Variants in SMCHD1 observed in about 807,000 individuals in gnomAD.
The protein encoded by SMCHD1 is structural maintenance of chromosomes flexible hinge domain-containing protein 1.
Under a neutral mutation model 254.7 loss-of-function variants are expected in SMCHD1, and 78 were observed. The ratio of observed to expected loss-of-function variants is 0.31; its 90% CI spans 0.26 to 0.37. The LOEUF (loss-of-function observed/expected upper bound fraction) is 0.37, where lower values mean the gene tolerates loss of function less well. SMCHD1 is among the 10% of genes least tolerant of loss of function. SMCHD1 has a pLI of 1.00. For synonymous variants in SMCHD1, 766 were observed against 794.9 expected, an observed-to-expected ratio of 0.96 and a Z score of 0.61; for missense variants, 1,840 against 2,408.1, an observed-to-expected ratio of 0.76 and a Z score of 4.94.
chr18:2,740,594 CAGTA>C (rs2075330816), intron 27 of SMCHD1, 105 bp from the exon 28 acceptor site: 1 of 459,014 alleles, frequency 2.2e-6, no homozygotes, highest in Non-Finnish European at 3.7e-6. Context: ...AAAAATTACT[CAGTA>C]AGAGAACAAA....
At chr18:2,735,726 G>T (rs144840139) in intron 25 of SMCHD1, among the ~76,000 whole-genome samples, 22 of 152,200 alleles carry the variant, frequency 1.4e-4, no homozygotes, top group Non-Finnish European at 1.5e-4. Flanking sequence ...GGAAGTGAAA[G>T]ATCTCTGCAA....
chr18:2,785,731 C>T lies in SMCHD1; in HGVS notation c.5719+1110C>T, dbSNP rs200890239. Among the ~76,000 whole-genome samples the T allele has an allele frequency of 4.2e-4, 61 of 145,044 alleles. 1 individual carries two copies. In the East Asian group the frequency reaches 0.012, roughly 30 times the overall value. The stretch of plus-strand genomic sequence containing the variant: ...TTCATTCTATCTCCAGAACTGTTTT[C>T]GGTATGCACAGTTGAAACTTTGTAT... On this transcript the variant is annotated intron_variant, in intron 45 of 47. Coordinates refer to ENST00000320876, the MANE Select transcript of SMCHD1 (RefSeq NM_015295.3).
chr18:2,710,015 A>G (rs1365057556), intron 17 of SMCHD1, among the ~76,000 whole-genome samples: 5 of 152,178 alleles, frequency 3.3e-5, no homozygotes, highest in African/African-American at 1.2e-4. Flanking sequence ...TTTCCTTACA[A>G]ATTTTATAGC....
chr18:2,766,978 T>A (rs185684899), intron 37 of SMCHD1, among the ~76,000 whole-genome samples: 1 of 152,192 alleles, frequency 6.6e-6, no homozygotes, highest in African/African-American at 2.4e-5. Context: ...TTACACTTTC[T>A]GCGGGGCACA....
rs1294077082 is a variant in SMCHD1 at position 2,755,564 on chromosome 18, T to C, written c.4346+3012T>C. ...TTTGTGTATTTTCTTTTTCTTTCTT[T>C]CTTTTTTTTTTTTTTTTTTTTGAGA... On this transcript the variant is annotated intron_variant, in intron 34 of 47. Coordinates refer to ENST00000320876, the MANE Select transcript of SMCHD1 (RefSeq NM_015295.3). Among the ~76,000 whole-genome samples, 4 of 134,244 alleles carry C rather than the reference T, an allele frequency of 3.0e-5. No individual in the cohort carries two copies. In the East Asian group the frequency reaches 8.6e-4, roughly 29 times the overall value. The allele number at this position is 134,244 out of a possible 152,430, so 88.1% of individuals were successfully genotyped here.
chr18:2,691,803 G>A (rs1044876414), intron 7 of SMCHD1: 1 of 152,224 alleles, frequency 6.6e-6, no homozygotes, highest in African/African-American at 2.4e-5. Context: ...ACCACCACTG[G>A]GTCTGGGATT....
chr18:2,697,562 A>G (rs776392240), intron 9 of SMCHD1, among the ~76,000 whole-genome samples: 2 of 152,134 alleles, frequency 1.3e-5, no homozygotes, highest in Non-Finnish European at 2.9e-5. Flanking sequence ...CTAGCAAGAA[A>G]CCTCGAATTA....
At chr18:2,715,718 A>G (rs1348966883) in intron 17 of SMCHD1, among the ~76,000 whole-genome samples, 1 of 152,126 alleles carries the variant, frequency 6.6e-6, no homozygotes, top group Non-Finnish European at 1.5e-5. Context: ...AGAAGTGGGC[A>G]TGGTAATATA....
At chr18:2,659,341 C>A (rs754197281) in intron 1 of SMCHD1, among the ~76,000 whole-genome samples, 1 of 152,200 alleles carries the variant, frequency 6.6e-6, no homozygotes, top group Non-Finnish European at 1.5e-5. Flanking sequence ...TGATCTTGAA[C>A]TCCTGACCTC....
chr18:2,700,899 C>G lies in SMCHD1; in HGVS notation c.1628C>G (p.Thr543Arg). The change falls in exon 12 of 48, where the codon ACA becomes AGA. Residue 543 changes from threonine (T) to arginine (R), a missense_variant. This residue lies in a region of SMCHD1 where 498 missense variants were observed against 743.5 expected (regional missense o/e 0.67). Coordinates refer to ENST00000320876, the MANE Select transcript of SMCHD1 (RefSeq NM_015295.3). ...LKLKDKNTLF[T>R]RILNGQEQRM... The stretch of plus-strand genomic sequence containing the variant: ...TTGAAAGATAAGAACACCCTTTTTA[C>G]AAGGATTTTAAATGGACAGGTATGA... The G allele has an allele frequency of 6.3e-7, 1 of 1,599,522 alleles. No homozygotes were observed. The highest frequency in any genetic ancestry group is 8.5e-7 in the Non-Finnish European group (1 of 1,173,548).
chr18:2,696,054 G>A (rs1374661526), intron 8 of SMCHD1, among the ~76,000 whole-genome samples: 1 of 152,226 alleles, frequency 6.6e-6, no homozygotes, highest in African/African-American at 2.4e-5. Flanking sequence ...TCTATTTCAC[G>A]AATAAAGACG....
chr18:2,786,315 A>G (rs763323523), intron 45 of SMCHD1, among the ~76,000 whole-genome samples: 1 of 146,470 alleles, frequency 6.8e-6, no homozygotes, highest in Non-Finnish European at 1.5e-5. Flanking sequence ...ATTAAAGTAA[A>G]ATACACATAG....
intron 7 of SMCHD1, among the ~76,000 whole-genome samples, chr18:2,689,609 A>ACT (rs1286263853): frequency 6.6e-6 from 1 of 151,952 alleles, no homozygotes; most frequent in Non-Finnish European, 1.5e-5. Context: ...GTCCCTCTGG[A>ACT]CTAGAGTGTA....
At chr18:2,728,691 A>C in intron 23 of SMCHD1, 95 bp downstream of exon 23, 2 of 1,271,366 alleles carry the variant, frequency 1.6e-6, no homozygotes, top group Non-Finnish European at 2.1e-6. Context: ...ACAGGATTTA[A>C]GTCTGAAACG....
chr18:2,676,052 C>G (rs2073741489), intron 5 of SMCHD1, among the ~76,000 whole-genome samples: 1 of 152,142 alleles, frequency 6.6e-6, no homozygotes, highest in African/African-American at 2.4e-5. Context: ...ATCAGATACA[C>G]CCCTTCAGCC....
Position 2,671,215 on chromosome 18 carries a change from C to T in SMCHD1, c.425-2066C>T, listed in dbSNP as rs142680357. Among the ~76,000 whole-genome samples the T allele has an allele frequency of 4.9e-3, 746 of 152,130 alleles. 3 individuals are homozygous for T. Among genetic ancestry groups the T allele is most frequent in the Non-Finnish European group, 8.1e-3 (550 of 67,968 alleles). ...CCTCCCAAAGTGCTGGGATTACAGG[C>T]GTGAGCCACTGCACCTGGCCCATGA... is the stretch of plus-strand genomic sequence containing the variant. On this transcript the variant is annotated intron_variant, in intron 3 of 47. Transcript: ENST00000320876.
intron 1 of SMCHD1, among the ~76,000 whole-genome samples, chr18:2,656,723 C>G (rs749475514): frequency 3.9e-5 from 6 of 152,198 alleles, no homozygotes; most frequent in Non-Finnish European, 8.8e-5. Flanking sequence ...AGTCATCTCC[C>G]CCAAGTTCAT....
Position 2,755,859 on chromosome 18 carries a change from C to G in SMCHD1, c.4346+3307C>G, listed in dbSNP as rs62077669. Among the ~76,000 whole-genome samples the G allele has an allele frequency of 3.2e-3, 484 of 152,014 alleles. 3 individuals carry two copies. Among genetic ancestry groups the G allele is most frequent in the Admixed American group, 8.8e-3 (134 of 15,268 alleles). On this transcript the variant is annotated intron_variant, in intron 34 of 47. Transcript: ENST00000320876. ...TGGGATTACAGGTGTGAATCACCGCCCTCGGCCGTGTATTTTCTTTTTCTT... is the reference window on the plus strand; with the variant it reads ...TGGGATTACAGGTGTGAATCACCGCGCTCGGCCGTGTATTTTCTTTTTCTT...
At chr18:2,768,181 C>A in intron 37 of SMCHD1, among the ~76,000 whole-genome samples, 2 of 151,230 alleles carry the variant, frequency 1.3e-5, no homozygotes, top group Non-Finnish European at 1.5e-5. Context: ...AAAAGACAAA[C>A]CGGTAGAAAA....
Sources: gnomAD v4.1 joint callset for allele counts (sites outside exome capture counted in the v4.1 genomes callset) on GRCh38, gnomAD v4.1.1 for gene constraint, gnomAD v4.1.1 regional missense constraint, MANE v1.5 for transcripts, NCBI Gene and HGNC (gene_info 2026-07-23, HGNC 2026-07-21) for gene names.